Variants in FER1L5 observed in about 807,000 individuals in gnomAD.
The protein encoded by FER1L5 is fer-1 like family member 5.
Under a neutral mutation model 279.9 loss-of-function variants are expected in FER1L5, and 187 were observed. The observed-to-expected ratio is 0.67, with a 90% CI of 0.59 to 0.75. FER1L5 has a LOEUF of 0.75. FER1L5 is among the 30% of genes least tolerant of loss of function. The probability of loss-of-function intolerance (pLI) is 0.00; values close to 1 mark genes in which losing one functional copy is unlikely to be tolerated. For synonymous variants in FER1L5, 921 were observed against 989.7 expected, an observed-to-expected ratio of 0.93 and a Z score of 1.30; for missense variants, 2,091 against 2,594.4, an observed-to-expected ratio of 0.81 and a Z score of 4.21.
intron 2 of FER1L5, 119 bp downstream of exon 2, chr2:96,646,572 C>A: frequency 9.5e-7 from 1 of 1,052,804 alleles, no homozygotes; most frequent in Non-Finnish European, 1.4e-6. Flanking sequence ...CACAGGCTTT[C>A]CTCAAGGCTG....
At position 96,699,499 on chromosome 2, in the gene FER1L5, G is replaced by A. The variant is rs369119877; in HGVS notation, c.4611-51G>A. Reference sequence around the variant, plus strand: ...GCCGAGACACCGGTGAGGGAGGGGGGCACAGAGACATTGCCCACATCCTCT... The same window carrying A: ...GCCGAGACACCGGTGAGGGAGGGGGACACAGAGACATTGCCCACATCCTCT... On this transcript the variant is annotated intron_variant, in intron 42 of 52. Transcript: ENST00000624922. The A allele has an allele frequency of 3.8e-5, 60 of 1,567,126 alleles. No homozygotes were observed. In the African/African-American group the frequency reaches 6.5e-4, roughly 17 times the overall value.
chr2:96,661,170 G>A (rs2075941013), intron 10 of FER1L5, among the ~76,000 whole-genome samples, 155 bp from the exon 11 acceptor site: 1 of 152,090 alleles, frequency 6.6e-6, no homozygotes, highest in African/African-American at 2.4e-5. Flanking sequence ...ATTGCTTCGT[G>A]GTACGAGTGA....
intron 17 of FER1L5, among the ~76,000 whole-genome samples, chr2:96,669,903 T>TG (rs1215243402): frequency 1.3e-5 from 2 of 152,212 alleles, no homozygotes; most frequent in East Asian, 3.9e-4. Flanking sequence ...CGGTATTCCA[T>TG]GGGGCAGGCA....
At position 96,677,593 on chromosome 2, in the gene FER1L5, C is replaced by T. The variant is rs186284919; in HGVS notation, c.1669+4339C>T. 1.6e-3 allele frequency among the ~76,000 whole-genome samples: 243 copies of T among 152,084 alleles called. No individual in the cohort carries two copies. The Middle Eastern group carries it at 0.017, about 11-fold the overall frequency. ...TATTAAGAATAAAGCTGCCCGGGCA[C>T]GGTGGCTCACTCCTGTAATCCTAGC... On this transcript the variant is annotated intron_variant, in intron 19 of 52. Coordinates refer to ENST00000624922, the MANE Select transcript of FER1L5 (RefSeq NM_001293083.2).
At chr2:96,673,800 G>A (rs1035027431) in intron 19 of FER1L5, among the ~76,000 whole-genome samples, 8 of 152,170 alleles carry the variant, frequency 5.3e-5, no homozygotes, top group Non-Finnish European at 7.4e-5. Flanking sequence ...TTGACCCCAC[G>A]CTAGCCCTAG....
At chr2:96,644,072 T>C (rs1449481703) in intron 1 of FER1L5, among the ~76,000 whole-genome samples, 1 of 150,514 alleles carries the variant, frequency 6.6e-6, no homozygotes, top group Non-Finnish European at 1.5e-5. Flanking sequence ...CTTGGGAGGC[T>C]GAGGCAGGAG....
intron 24 of FER1L5, chr2:96,688,979 C>T: frequency 2.0e-6 from 1 of 505,824 alleles, no homozygotes; most frequent in Non-Finnish European, 3.5e-6. Context: ...CTTATGATAT[C>T]TCTGTCCACA....
Position 96,690,418 on chromosome 2 carries a change from G to C in FER1L5, c.2641-69G>C. ...ACAGCAGGCACGCACACAGGTGTGG[G>C]AAGAGGGAGGGAGGGCAGCCTCCTC... On this transcript the variant is annotated intron_variant, in intron 26 of 52. Transcript: ENST00000624922. 3 of 1,419,796 alleles carry C rather than the reference G, an allele frequency of 2.1e-6. No homozygotes were observed. The South Asian group carries it at 3.7e-5, about 18-fold the overall frequency. The allele number at this position is 1,419,796 out of a possible 1,614,324, so 87.9% of individuals were successfully genotyped here.
chr2:96,648,218 A>G (rs1304981811), intron 4 of FER1L5, among the ~76,000 whole-genome samples: 1 of 152,244 alleles, frequency 6.6e-6, no homozygotes, highest in Non-Finnish European at 1.5e-5. Context: ...CCACTGGCTC[A>G]GGTCAGGAGG....
intron 12 of FER1L5, 61 bp from the exon 13 acceptor site, chr2:96,662,154 C>G (rs1450077004): frequency 4.0e-6 from 6 of 1,506,160 alleles, no homozygotes; most frequent in Non-Finnish European, 4.5e-6. Flanking sequence ...CTGTCGCCAC[C>G]CTATTTCCTC....
intron 44 of FER1L5, 114 bp downstream of exon 44, chr2:96,700,194 C>A: frequency 6.5e-7 from 1 of 1,548,304 alleles, no homozygotes; most frequent in Non-Finnish European, 8.7e-7. Flanking sequence ...AAGGAAAGAG[C>A]TCCCTGGAGC....
In FER1L5 at chr2:96,689,409, G is replaced by T. The variant is rs2077055422; in HGVS notation, c.2525+33G>T. On this transcript the variant is annotated intron_variant, in intron 25 of 52. Coordinates refer to ENST00000624922, the MANE Select transcript of FER1L5 (RefSeq NM_001293083.2). The surrounding 1 kb of genome is among the most constrained non-coding windows in gnomAD (Gnocchi z 4.6). Reference sequence around the variant, plus strand: ...CAGAGGGGGCAGGCCCCACCAGAGGGGACACTTCACCTGGGAGGGCCAGTC... The same window carrying T: ...CAGAGGGGGCAGGCCCCACCAGAGGTGACACTTCACCTGGGAGGGCCAGTC... The T allele has an allele frequency of 1.9e-6, 3 of 1,541,682 alleles. No individual in the cohort carries two copies. The highest frequency in any genetic ancestry group is 2.6e-6 in the Non-Finnish European group (3 of 1,144,730).
intron 26 of FER1L5, 99 bp from the exon 27 acceptor site, chr2:96,690,388 C>A: frequency 1.9e-6 from 2 of 1,081,006 alleles, no homozygotes; most frequent in Non-Finnish European, 1.4e-6. Flanking sequence ...GAGGCTGCTG[C>A]GGCCACAGCA....
At chr2:96,675,198 G>A (rs1413825928) in intron 19 of FER1L5, among the ~76,000 whole-genome samples, 5 of 152,094 alleles carry the variant, frequency 3.3e-5, no homozygotes, top group East Asian at 1.9e-4. Flanking sequence ...AGGCATTTAG[G>A]TTGTATCTTT....
intron 4 of FER1L5, 30 bp downstream of exon 4, chr2:96,647,916 G>T (rs1473947920): frequency 6.6e-7 from 1 of 1,505,812 alleles, no homozygotes; most frequent in Non-Finnish European, 9.0e-7. Context: ...GCCCAGGCAG[G>T]GTGGCTGGAG....
chr2:96,698,633 ACTGCCAGG>A lies in FER1L5; in HGVS notation c.4357-34_4357-27del, dbSNP rs2077471185. 6.5e-7 allele frequency: 1 copy of A among 1,536,874 alleles called. No homozygotes were observed. Among genetic ancestry groups the A allele is most frequent in the Admixed American group, 1.9e-5 (1 of 52,922 alleles). ...AGAGGGCTTTACAGAGCTGGCCAGC[ACTGCCAGG>A]CTGGGCCCCCAACACCCTCCCCCCG... On this transcript the variant is annotated intron_variant, in intron 40 of 52. Transcript: ENST00000624922. The surrounding 1 kb of genome is among the most constrained non-coding windows in gnomAD (Gnocchi z 5.5).
At chr2:96,662,112 C>T (rs991528598) in intron 12 of FER1L5, 103 bp from the exon 13 acceptor site, 7 of 1,213,582 alleles carry the variant, frequency 5.8e-6, no homozygotes, top group Middle Eastern at 2.3e-4. Context: ...GGGGGCACCC[C>T]TCTAAATTAT....
At chr2:96,652,905 C>T (rs2075440913) in intron 7 of FER1L5, 1 of 152,436 alleles carries the variant, frequency 6.6e-6, no homozygotes, top group African/African-American at 2.4e-5. Context: ...CCTACCATTC[C>T]CCATTCTGGG....
In FER1L5 at chr2:96,689,866, C is replaced by A; in HGVS notation, c.2640+108C>A. ...GAAAGGGTCTGAGCCCTATGCCCTG[C>A]ACTATGTGTGGGGCCCCGGGTGAGC... On this transcript the variant is annotated intron_variant, in intron 26 of 52. Coordinates refer to ENST00000624922, the MANE Select transcript of FER1L5 (RefSeq NM_001293083.2). The surrounding 1 kb of genome is among the most constrained non-coding windows in gnomAD (Gnocchi z 4.6). 1.0e-6 allele frequency: 1 copy of A among 984,244 alleles called. No individual in the cohort carries two copies. The highest frequency in any genetic ancestry group is 1.5e-6 in the Non-Finnish European group (1 of 675,420). The allele number at this position is 984,244 out of a possible 1,614,324, so 61.0% of individuals were successfully genotyped here.
Sources: allele counts gnomAD v4.1 joint callset (sites outside exome capture counted in the v4.1 genomes callset), GRCh38; gene constraint gnomAD v4.1.1; non-coding constraint Gnocchi (gnomAD v3.1); transcripts MANE v1.5; gene names NCBI Gene and HGNC (gene_info 2026-07-23, HGNC 2026-07-21).